Variants in SAMD5 observed in about 807,000 individuals in gnomAD.
SAMD5 encodes the protein sterile alpha motif domain-containing protein 5.
Under a neutral mutation model 11.3 loss-of-function variants are expected in SAMD5, and 13 were observed. The ratio of observed to expected loss-of-function variants is 1.15; its 90% CI spans 0.75 to 1.83. SAMD5 has a LOEUF of 1.83. Ranked by LOEUF, SAMD5 falls within the 40% of genes most tolerant of loss-of-function variation. SAMD5 has a pLI of 0.00. For missense variants in SAMD5, 255 were observed against 239.1 expected, an observed-to-expected ratio of 1.07 and a Z score of -0.44; for synonymous variants, 129 against 111.3, an observed-to-expected ratio of 1.16 and a Z score of -1.00.
chr6:147,770,875 A>G, the SAMD5 span, among the ~76,000 whole-genome samples: 1 of 152,250 alleles, frequency 6.6e-6, no homozygotes, highest in East Asian at 1.9e-4. Flanking sequence ...AGTGAAAGAA[A>G]CAATGCCAAT....
rs1372913577 is a variant in SAMD5, at chr6:147,540,946, T to TG, written c.460-23448_460-23447insG. Among the ~76,000 whole-genome samples, 3 of 140,216 alleles carry TG rather than the reference T, an allele frequency of 2.1e-5. No homozygotes were observed. In the East Asian group the frequency reaches 6.4e-4, roughly 30 times the overall value. 92.0% of individuals were successfully genotyped at this position (140,216 alleles called of 152,430 possible). On this transcript the variant is annotated intron_variant, in intron 1 of 1. Transcript: ENST00000367474. ...TTCAAGCCACGCGTTTTTTTTTTTT[T>TG]TTTTTTTTTTTTTTGAGAAGGAGTC...
chr6:147,821,088 C>A, the SAMD5 span, among the ~76,000 whole-genome samples: 1 of 152,192 alleles, frequency 6.6e-6, no homozygotes. Flanking sequence ...AGTAAATATG[C>A]ATTTTTATTA....
chr6:147,572,994 A>T (rs1789158946), downstream of SAMD5, among the ~76,000 whole-genome samples: 1 of 152,214 alleles, frequency 6.6e-6, no homozygotes, highest in Non-Finnish European at 1.5e-5. Context: ...GGTCATTCAG[A>T]TCTGACTTTG....
chr6:147,559,389 T>C (rs559495687), intron 1 of SAMD5, among the ~76,000 whole-genome samples: 1 of 152,334 alleles, frequency 6.6e-6, no homozygotes, highest in East Asian at 1.9e-4. Flanking sequence ...TCTGAATTTG[T>C]TTCTGATAGT....
At chr6:147,925,953 C>T in the SAMD5 span, among the ~76,000 whole-genome samples, 1 of 152,178 alleles carries the variant, frequency 6.6e-6, no homozygotes. Flanking sequence ...GGGTTTTGTT[C>T]CTCCATTAAT....
chr6:147,778,960 C>T, the SAMD5 span, among the ~76,000 whole-genome samples: 1 of 148,978 alleles, frequency 6.7e-6, no homozygotes, highest in African/African-American at 2.5e-5. Context: ...AAACAGGAAG[C>T]CCGCTTGGAT....
the SAMD5 span, among the ~76,000 whole-genome samples, chr6:147,803,192 A>T: frequency 6.9e-6 from 1 of 145,944 alleles, no homozygotes; most frequent in Non-Finnish European, 1.5e-5. Context: ...TTTTACATAG[A>T]TCATGTTGAG....
chr6:147,557,826 G>A lies in SAMD5; in HGVS notation c.460-6568G>A, dbSNP rs184472674. The stretch of plus-strand genomic sequence containing the variant: ...TAGTTTTGATAAAGTGGGCTTTGCT[G>A]TTGCACAGACCCACCCTGCCACTGA... On this transcript the variant is annotated intron_variant, in intron 1 of 1. Transcript: ENST00000367474. 1.2e-4 allele frequency among the ~76,000 whole-genome samples: 18 copies of A among 152,300 alleles called. No individual in the cohort carries two copies. The East Asian group carries it at 2.3e-3, about 20-fold the overall frequency.
At chr6:147,579,892 CTG>C (rs1789271677) in intron 1 of SAMD5, among the ~76,000 whole-genome samples, 1 of 152,222 alleles carries the variant, frequency 6.6e-6, no homozygotes, top group South Asian at 2.1e-4. Flanking sequence ...AATCCTTACT[CTG>C]TGCCAGGCGC....
the SAMD5 span, among the ~76,000 whole-genome samples, chr6:147,867,530 GA>G: frequency 1.3e-5 from 2 of 151,746 alleles, no homozygotes; most frequent in African/African-American, 2.4e-5. Flanking sequence ...TTTTTGAAAA[GA>G]AAAAAAATTA....
At chr6:147,761,870 G>A in the SAMD5 span, among the ~76,000 whole-genome samples, 1 of 152,082 alleles carries the variant, frequency 6.6e-6, no homozygotes, top group East Asian at 2.0e-4. Flanking sequence ...TCACCACCAT[G>A]CCTAGTTAAT....
chr6:147,781,758 T>A, the SAMD5 span, among the ~76,000 whole-genome samples: 18 of 133,362 alleles, frequency 1.3e-4, no homozygotes, highest in Admixed American at 6.2e-4. Flanking sequence ...ATATAATGTA[T>A]ATAATTTGTG....
intron 1 of SAMD5, among the ~76,000 whole-genome samples, chr6:147,732,646 TTGA>T (rs1272556087): frequency 6.6e-6 from 1 of 152,210 alleles, no homozygotes. Context: ...AGATTTATTT[TTGA>T]TGGCATGGGT....
intron 1 of SAMD5, among the ~76,000 whole-genome samples, chr6:147,598,181 A>G (rs926511877): frequency 2.0e-5 from 3 of 151,570 alleles, no homozygotes; most frequent in African/African-American, 7.3e-5. Flanking sequence ...CTGGATTTCA[A>G]TGGTGTGATC....
chr6:147,842,272 C>T, the SAMD5 span, among the ~76,000 whole-genome samples: 2 of 152,172 alleles, frequency 1.3e-5, no homozygotes, highest in East Asian at 1.9e-4. Flanking sequence ...GGACCTAACA[C>T]GCTTTCTCTC....
Position 147,567,754 on chromosome 6 carries a change from C to T in SAMD5, c.*3298C>T, listed in dbSNP as rs1382785743. The T allele has an allele frequency of 1.0e-6, 1 of 985,168 alleles. No individual in the cohort carries two copies. The highest frequency in any genetic ancestry group is 1.2e-6 in the Non-Finnish European group (1 of 829,880). The allele number at this position is 985,168 out of a possible 1,614,324, so 61.0% of individuals were successfully genotyped here. A position where few individuals can be genotyped will look rare whatever the true frequency, so the allele number is the denominator to read the frequency against. On this transcript the variant is annotated 3_prime_UTR_variant, in exon 2 of 2. Coordinates refer to ENST00000367474, the MANE Select transcript of SAMD5 (RefSeq NM_001030060.3). ...ATAAATTGACATTTCCTTATCATTGCCTGAAACCCACTGAATAAGTCCCCT... is the reference window on the plus strand; with the variant it reads ...ATAAATTGACATTTCCTTATCATTGTCTGAAACCCACTGAATAAGTCCCCT...
At chr6:147,764,164 G>A in the SAMD5 span, among the ~76,000 whole-genome samples, 1 of 152,166 alleles carries the variant, frequency 6.6e-6, no homozygotes. Flanking sequence ...ATGTTAACTA[G>A]TATTTATGGG....
rs1373780636 is a variant in SAMD5 at position 147,595,654 on chromosome 6, G to T, written c.162+86267G>T. Among the ~76,000 whole-genome samples, 17 of 150,660 alleles carry T rather than the reference G, an allele frequency of 1.1e-4. No homozygotes were observed. In the Admixed American group the frequency reaches 1.1e-3, roughly 10 times the overall value. On this transcript the variant is annotated intron_variant, in intron 1 of 1. Coordinates refer to the SAMD5 transcript ENST00000566741. ...AGATTCTCCTGCCTCAGCCTCCTGAGTAGCTGGGACTACAGGTGCCCACCA... is the reference window on the plus strand; with the variant it reads ...AGATTCTCCTGCCTCAGCCTCCTGATTAGCTGGGACTACAGGTGCCCACCA...
At chr6:147,661,144 A>AT (rs1014478376) in intron 1 of SAMD5, among the ~76,000 whole-genome samples, 38 of 151,634 alleles carry the variant, frequency 2.5e-4, no homozygotes, top group Non-Finnish European at 2.5e-4. Flanking sequence ...AAATCTACCA[A>AT]TTTTTTTTTC....
Sources: gnomAD v4.1 joint callset for allele counts (sites outside exome capture counted in the v4.1 genomes callset) on GRCh38, gnomAD v4.1.1 for gene constraint, MANE v1.5 for transcripts, NCBI Gene and HGNC (gene_info 2026-07-23, HGNC 2026-07-21) for gene names.